UBASH3A: variants seen among roughly 807,000 people sequenced by gnomAD.
UBASH3A encodes ubiquitin-associated and SH3 domain-containing protein A.
Under a neutral mutation model 73.5 loss-of-function variants are expected in UBASH3A, and 63 were observed. The ratio of observed to expected loss-of-function variants is 0.86; its 90% CI spans 0.70 to 1.06. The LOEUF is 1.06. Among genes scored for constraint, UBASH3A ranks in the 50% least tolerant of loss-of-function variants. The pLI, the probability that UBASH3A is intolerant of heterozygous loss-of-function variation, is 0.00. For missense variants in UBASH3A, 860 were observed against 859.0 expected, an observed-to-expected ratio of 1.00 and a Z score of -0.02; for synonymous variants, 363 against 351.1, an observed-to-expected ratio of 1.03 and a Z score of -0.38.
chr21:42,446,360 G>A (rs965133666), intron 14 of UBASH3A, among the ~76,000 whole-genome samples: 4 of 152,086 alleles, frequency 2.6e-5, no homozygotes, highest in Non-Finnish European at 4.4e-5. Context: ...GACCCTCCCC[G>A]ACCAGCCCAT....
At chr21:42,443,199 T>C in intron 12 of UBASH3A, 113 bp from the exon 13 acceptor site, 1 of 1,429,800 alleles carries the variant, frequency 7.0e-7, no homozygotes, top group Non-Finnish European at 9.2e-7. Flanking sequence ...TGAGCCTGCC[T>C]TGAGGCAGAG....
intron 14 of UBASH3A, among the ~76,000 whole-genome samples, chr21:42,446,419 T>C (rs950980582): frequency 6.6e-6 from 1 of 152,102 alleles, no homozygotes; most frequent in African/African-American, 2.4e-5. Context: ...AGAATCACCC[T>C]AGGGTCAACA....
At position 42,426,632 on chromosome 21, in the gene UBASH3A, G is replaced by A. The variant is rs557033939; in HGVS notation, c.1047-65G>A. ...TTCTCAAGTACATACATGACCAGAT[G>A]CTGGGTCTCCATGGCAACAACATGG... On this transcript the variant is annotated intron_variant, in intron 7 of 14. Coordinates refer to ENST00000319294, the MANE Select transcript of UBASH3A (RefSeq NM_018961.4). 1.9e-6 allele frequency: 3 copies of A among 1,588,160 alleles called. No individual in the cohort carries two copies. The South Asian group carries it at 3.4e-5, about 18-fold the overall frequency.
At chr21:42,438,421 A>T (rs1021974237) in intron 11 of UBASH3A, among the ~76,000 whole-genome samples, 1 of 152,166 alleles carries the variant, frequency 6.6e-6, no homozygotes, top group Non-Finnish European at 1.5e-5. Context: ...GGGGCCCAGG[A>T]CATGGGCTGG....
chr21:42,427,588 C>T (rs1004584614), intron 8 of UBASH3A, among the ~76,000 whole-genome samples: 1 of 152,192 alleles, frequency 6.6e-6, no homozygotes, highest in Non-Finnish European at 1.5e-5. Flanking sequence ...TTTTACAGAT[C>T]TGAAAACTGG....
chr21:42,431,484 G>A (rs17114909), intron 8 of UBASH3A, among the ~76,000 whole-genome samples: 5,875 of 152,368 alleles, frequency 0.039, 123 homozygotes, highest in African/African-American at 0.052. Context: ...GTCTCATGCC[G>A]AGAAGAAGTA....
rs547227481 is a variant in UBASH3A at position 42,434,883 on chromosome 21, G to A, written c.1322G>A (p.Ser441Asn). ...LNFPCSLPRR[S>N]RGIKDFENDP... is the part of the protein sequence containing the mutation. ...TTCCCCTGCAGTCTGCCAAGACGGA[G>A]TCGTGGGATCAAAGACTTTGAAAAC... Residue 441 changes from serine (S) to asparagine (N), a missense_variant, in exon 10 of 15, where the codon AGT (serine) becomes AAT (asparagine). Transcript: ENST00000319294. 1.4e-5 allele frequency: 22 copies of A among 1,614,204 alleles called. No individual in the cohort carries two copies. Among genetic ancestry groups the A allele is most frequent in the Non-Finnish European group, 1.9e-5 (22 of 1,180,014 alleles).
At chr21:42,423,610 G>A (rs931675155) in intron 7 of UBASH3A, among the ~76,000 whole-genome samples, 1 of 152,170 alleles carries the variant, frequency 6.6e-6, no homozygotes, top group African/African-American at 2.4e-5. Flanking sequence ...AGTCACAGAG[G>A]AACCACAAAG....
At chr21:42,443,026 C>G in intron 12 of UBASH3A, 1 of 903,820 alleles carries the variant, frequency 1.1e-6, no homozygotes, top group Non-Finnish European at 1.5e-6. Flanking sequence ...TTCAGAGGAG[C>G]TGGACTGGAG....
At chr21:42,408,381 C>T (rs866302693) in intron 2 of UBASH3A, among the ~76,000 whole-genome samples, 10 of 152,190 alleles carry the variant, frequency 6.6e-5, no homozygotes, top group African/African-American at 1.9e-4. Flanking sequence ...AAATAACCTT[C>T]TAACTTTCTT....
In UBASH3A at chr21:42,442,578, A is replaced by G. The variant is rs779281005; in HGVS notation, c.1613A>G (p.Asn538Ser). Residue 538 changes from asparagine to serine, a missense_variant, in exon 12 of 15, where the codon AAC (asparagine) becomes AGC (serine). By Grantham distance (46) the Asn-to-Ser change is conservative (BLOSUM62 1). Coordinates refer to ENST00000319294, the MANE Select transcript of UBASH3A (RefSeq NM_018961.4). ...GAAGAGCTGAAAGAGGCAAATTTCA[A>G]CATTGACACTGATTACAGGTATGCT... is the stretch of plus-strand genomic sequence containing the variant. ...SLEELKEANF[N>S]IDTDYRPAFP... 1.1e-5 allele frequency: 17 copies of G among 1,613,698 alleles called. No individual in the cohort carries two copies. The highest frequency in any genetic ancestry group is 3.3e-5 in the Admixed American group (2 of 59,902).
At chr21:42,414,756 G>C (rs1292999839) in intron 5 of UBASH3A, among the ~76,000 whole-genome samples, 1 of 152,204 alleles carries the variant, frequency 6.6e-6, no homozygotes, top group Non-Finnish European at 1.5e-5. Context: ...GGAGCTTTCG[G>C]GGAGAGCACA....
intron 11 of UBASH3A, among the ~76,000 whole-genome samples, chr21:42,441,908 C>G (rs1429027752): frequency 6.6e-6 from 1 of 152,188 alleles, no homozygotes; most frequent in Admixed American, 6.5e-5. Flanking sequence ...ATGGCTCTTC[C>G]TTTAATCAAA....
At position 42,443,348 on chromosome 21, in the gene UBASH3A, G is replaced by A. The variant is rs778585344; in HGVS notation, c.1668G>A (p.Glu556=). The A allele has an allele frequency of 3.7e-6, 6 of 1,613,258 alleles. No homozygotes were observed. The highest frequency in any genetic ancestry group is 1.1e-5 in the South Asian group (1 of 90,878). The part of the protein sequence containing the change: ...AFPLSALMPA[E]SYQEYMDRCT... Reference sequence around the variant, plus strand: ...CCCTGTCCGCCCTCATGCCGGCCGAGAGCTACCAGGAGTACATGGACAGGT... The same window carrying A: ...CCCTGTCCGCCCTCATGCCGGCCGAAAGCTACCAGGAGTACATGGACAGGT... The change falls in exon 13 of 15, where the codon GAG becomes GAA. Residue 556 remains glutamate, a synonymous_variant. Transcript: ENST00000319294.
chr21:42,435,414 T>A (rs973418535), intron 10 of UBASH3A: 1 of 152,586 alleles, frequency 6.6e-6, no homozygotes, highest in African/African-American at 2.4e-5. Flanking sequence ...AGTCTTCATT[T>A]CCTAAATTCA....
chr21:42,409,125 T>C (rs2053039643), intron 2 of UBASH3A, among the ~76,000 whole-genome samples: 1 of 151,746 alleles, frequency 6.6e-6, no homozygotes, highest in Non-Finnish European at 1.5e-5. Context: ...GAAGACCAGG[T>C]TTTAGGTCTT....
rs1568941264 is a variant in UBASH3A at position 42,442,470 on chromosome 21, A to T, written c.1505A>T (p.Lys502Ile). The change falls in exon 12 of 15, where the codon AAA (lysine) becomes ATA (isoleucine). Residue 502 changes from lysine to isoleucine, a missense_variant. Lys to Ile is a moderately radical substitution (Grantham distance 102). Transcript: ENST00000319294. ...LILEELKLEK[K>I]IKIRVEPGIF... ...AATCCAGAACTCAAACTGGAGAAAAAAATCAAGATACGAGTGGAACCTGGA... is the reference window on the plus strand; with the variant it reads ...AATCCAGAACTCAAACTGGAGAAAATAATCAAGATACGAGTGGAACCTGGA... 2 of 1,614,058 alleles carry T rather than the reference A, an allele frequency of 1.2e-6. No homozygotes were observed. Among genetic ancestry groups the T allele is most frequent in the Non-Finnish European group, 1.7e-6 (2 of 1,180,012 alleles).
intron 2 of UBASH3A, among the ~76,000 whole-genome samples, 185 bp from the exon 3 acceptor site, chr21:42,409,237 C>G (rs2277802): frequency 0.14 from 21,713 of 152,224 alleles, 1,681 homozygotes; most frequent in Admixed American, 0.22. Flanking sequence ...CCACACACAG[C>G]TGTGCCGCAG....
chr21:42,430,136 C>A (rs975453284), intron 8 of UBASH3A, among the ~76,000 whole-genome samples: 7 of 152,254 alleles, frequency 4.6e-5, no homozygotes, highest in Middle Eastern at 6.8e-3. Flanking sequence ...TCTGGTGTCC[C>A]TTCCTTCCCA....
Sources: gnomAD v4.1 joint callset for allele counts (sites outside exome capture counted in the v4.1 genomes callset) on GRCh38, gnomAD v4.1.1 for gene constraint, MANE v1.5 for transcripts, NCBI Gene and HGNC (gene_info 2026-07-23, HGNC 2026-07-21) for gene names.